Variants in CAST observed in about 807,000 individuals in gnomAD.
The protein encoded by CAST is calpastatin.
A neutral mutation model predicts 119.6 loss-of-function variants in CAST; 76 were observed. The observed-to-expected ratio is 0.64, with a 90% CI of 0.53 to 0.77. The LOEUF (loss-of-function observed/expected upper bound fraction) is 0.77, where lower values mean the gene tolerates loss of function less well. Among genes scored for constraint, CAST ranks in the 30% least tolerant of loss-of-function variants. The pLI is 0.00. For missense variants in CAST, 953 were observed against 946.5 expected (o/e 1.01, Z -0.09); for synonymous variants, 319 against 331.6 (o/e 0.96, Z 0.41).
the CAST span, among the ~76,000 whole-genome samples, chr5:96,309,836 A>G: frequency 6.6e-6 from 1 of 152,120 alleles, no homozygotes; most frequent in African/African-American, 2.4e-5. Flanking sequence ...TTTGAAATGC[A>G]GAAATCACCC....
chr5:96,332,514 G>T, the CAST span, among the ~76,000 whole-genome samples: 1 of 151,978 alleles, frequency 6.6e-6, no homozygotes, highest in South Asian at 2.1e-4. Context: ...AAATAAAAAT[G>T]GTTGTGTACG....
the CAST span, among the ~76,000 whole-genome samples, chr5:96,465,730 T>C: frequency 6.6e-6 from 1 of 152,090 alleles, no homozygotes; most frequent in Admixed American, 6.6e-5. Flanking sequence ...TTGAGGATGT[T>C]TATTTTATCC....
At chr5:96,250,755 C>T in the CAST span, among the ~76,000 whole-genome samples, 5 of 152,022 alleles carry the variant, frequency 3.3e-5, no homozygotes, top group Admixed American at 1.3e-4. Context: ...TTTGGAAATG[C>T]GGCTTCTCTA....
At chr5:96,178,270 T>G in the CAST span, among the ~76,000 whole-genome samples, 5 of 152,228 alleles carry the variant, frequency 3.3e-5, no homozygotes, top group African/African-American at 1.2e-4. Context: ...TGCCCATCAT[T>G]AGCAATGTAA....
At chr5:95,971,452 C>T in the CAST span, among the ~76,000 whole-genome samples, 1 of 152,242 alleles carries the variant, frequency 6.6e-6, no homozygotes. Context: ...TAAGTGTTAG[C>T]TCAGGTAACC....
chr5:96,505,190 G>A, the CAST span, among the ~76,000 whole-genome samples: 1 of 152,188 alleles, frequency 6.6e-6, no homozygotes, highest in Non-Finnish European at 1.5e-5. Flanking sequence ...ACTTCAAAAT[G>A]TTAAAAAATA....
At chr5:96,362,121 A>G in the CAST span, among the ~76,000 whole-genome samples, 1 of 151,920 alleles carries the variant, frequency 6.6e-6, no homozygotes, top group Non-Finnish European at 1.5e-5. Context: ...GCTGAGAATG[A>G]TGGTTTCCAG....
chr5:96,186,634 AT>A, the CAST span, among the ~76,000 whole-genome samples: 3 of 152,174 alleles, frequency 2.0e-5, no homozygotes, highest in Non-Finnish European at 4.4e-5. Flanking sequence ...AGTTCTGTTT[AT>A]ATGATGAGTC....
intron 20 of CAST, among the ~76,000 whole-genome samples, chr5:96,753,503 G>A (rs1399896206): frequency 6.6e-6 from 1 of 152,180 alleles, no homozygotes. Flanking sequence ...CGGACCACAG[G>A]TAGACAGTTC....
At chr5:96,520,092 T>C in the CAST span, among the ~76,000 whole-genome samples, 52,141 of 152,112 alleles carry the variant, frequency 0.34, 9,197 homozygotes, top group Middle Eastern at 0.41. Flanking sequence ...CCTCCTAGTC[T>C]TCATACGTCC....
the CAST span, among the ~76,000 whole-genome samples, chr5:95,969,839 C>T: frequency 6.6e-6 from 1 of 152,134 alleles, no homozygotes; most frequent in East Asian, 1.9e-4. Context: ...AGTCTTAGGC[C>T]TCAGAGTCAA....
the CAST span, chr5:96,393,169 T>G: frequency 2.5e-6 from 4 of 1,614,212 alleles, no homozygotes; most frequent in Non-Finnish European, 3.4e-6. Flanking sequence ...CGTAGAAGTT[T>G]TCATAAGGGA....
chr5:96,500,323 A>G, the CAST span, among the ~76,000 whole-genome samples: 1 of 152,232 alleles, frequency 6.6e-6, no homozygotes, highest in Non-Finnish European at 1.5e-5. Context: ...GAGAAGCACA[A>G]TAAAACAAGG....
intron 1 of CAST, among the ~76,000 whole-genome samples, chr5:96,543,578 GA>G (rs1745955443): frequency 6.6e-6 from 1 of 152,084 alleles, no homozygotes. Flanking sequence ...GTCTTTTACA[GA>G]ACAGAAATTT....
At chr5:96,633,437 A>AT (rs1747847321) in intron 1 of CAST, among the ~76,000 whole-genome samples, 2 of 152,096 alleles carry the variant, frequency 1.3e-5, no homozygotes, top group Admixed American at 6.5e-5. Flanking sequence ...TTTGTTAAAT[A>AT]TTTTTTCTAA....
chr5:96,661,616 T>G (rs1458844127), upstream of CAST, among the ~76,000 whole-genome samples: 1 of 152,126 alleles, frequency 6.6e-6, no homozygotes, highest in Admixed American at 6.5e-5. Context: ...CACGTAGGGC[T>G]TGTTAAATTT....
the CAST span, among the ~76,000 whole-genome samples, chr5:96,245,216 TC>T: frequency 6.6e-6 from 1 of 152,208 alleles, no homozygotes; most frequent in Non-Finnish European, 1.5e-5. Context: ...AAAAGTTTTT[TC>T]TTTGCTGAAG....
At chr5:96,650,847 T>C (rs1294733918) in intron 1 of CAST, among the ~76,000 whole-genome samples, 2 of 151,976 alleles carry the variant, frequency 1.3e-5, no homozygotes, top group Non-Finnish European at 2.9e-5. Flanking sequence ...GCTTTCCAGA[T>C]GTATAGAGAT....
chr5:96,418,475 T>C, the CAST span, among the ~76,000 whole-genome samples: 1 of 152,230 alleles, frequency 6.6e-6, no homozygotes, highest in Non-Finnish European at 1.5e-5. Context: ...GCCAGCTTAA[T>C]GGTAAGCATT....
Sources: allele counts gnomAD v4.1 joint callset (sites outside exome capture counted in the v4.1 genomes callset), GRCh38; gene constraint gnomAD v4.1.1; transcripts MANE v1.5; gene names NCBI Gene and HGNC (gene_info 2026-07-23, HGNC 2026-07-21).